The following PHLDB1 variants were observed in gnomAD, a reference collection of about 807,000 sequenced individuals.
The protein encoded by PHLDB1 is pleckstrin homology like domain family B member 1, also known as pleckstrin homology-like domain family B member 1.
PHLDB1 carries 65 observed loss-of-function variants against 139.3 expected under a neutral mutation model. The ratio of observed to expected loss-of-function variants is 0.47; its 90% CI spans 0.38 to 0.57. The LOEUF (loss-of-function observed/expected upper bound fraction) is 0.57, where lower values mean the gene tolerates loss of function less well. Among genes scored for constraint, PHLDB1 ranks in the 20% least tolerant of loss-of-function variants. PHLDB1 has a pLI of 0.00. For missense variants in PHLDB1, 1,624 were observed against 1,839.7 expected (o/e 0.88, Z 2.14); for synonymous variants, 679 against 734.5 (o/e 0.92, Z 1.22).
chr11:118,614,470 G>A (rs1227057520), intron 2 of PHLDB1, 89 bp from the exon 3 acceptor site: 12 of 1,448,284 alleles, frequency 8.3e-6, no homozygotes, highest in East Asian at 4.6e-5. Context: ...GGAGAGGGGC[G>A]AGGGCTGGAG....
chr11:118,618,717 C>T (rs192880309), intron 4 of PHLDB1, among the ~76,000 whole-genome samples: 85 of 151,910 alleles, frequency 5.6e-4, no homozygotes, highest in Non-Finnish European at 1.1e-3. Context: ...TACCTTGTTC[C>T]CCTAATCTGG....
rs543832494 is a variant in PHLDB1, at chr11:118,628,436, T to C, written c.1613T>C (p.Leu538Pro). Residue 538 changes from leucine (L) to proline (P), a missense_variant, in exon 6 of 23, where the codon CTG becomes CCG. Coordinates refer to ENST00000600882, the MANE Select transcript of PHLDB1 (RefSeq NM_001144758.3). Reference protein sequence around the residue: ...APHKGSFSGRLSPAYSLGSLT... With the variant: ...APHKGSFSGRPSPAYSLGSLT... ...CACAAGGGCAGCTTCAGTGGCAGGC[T>C]GAGCCCAGCCTACAGTCTGGGCTCT... The C allele has an allele frequency of 5.0e-6, 8 of 1,609,606 alleles. No homozygotes were observed. In the African/African-American group the frequency reaches 9.3e-5, roughly 19 times the overall value.
chr11:118,626,975 G>A, intron 5 of PHLDB1: 1 of 325,962 alleles, frequency 3.1e-6, no homozygotes, highest in Non-Finnish European at 5.6e-6. Context: ...TCTTGAGGAG[G>A]GATATAGGAT....
At position 118,608,124 on chromosome 11, in the gene PHLDB1, T is replaced by C. The variant is rs1312333679; in HGVS notation, c.-22+425T>C. On this transcript the variant is annotated intron_variant, in intron 1 of 22. Coordinates refer to ENST00000600882, the MANE Select transcript of PHLDB1 (RefSeq NM_001144758.3). The surrounding 1 kb of genome is among the most constrained non-coding windows in gnomAD (Gnocchi z 6.7). Reference sequence around the variant, plus strand: ...CCCCCTCTCCGCCCACAGCAGGACCTTGGGGCGGGGGTATCTCCTGTGACG... The same window carrying C: ...CCCCCTCTCCGCCCACAGCAGGACCCTGGGGCGGGGGTATCTCCTGTGACG... Among the ~76,000 whole-genome samples, 4 of 151,876 alleles carry C rather than the reference T, an allele frequency of 2.6e-5. No individual in the cohort carries two copies. The highest frequency in any genetic ancestry group is 9.7e-5 in the African/African-American group (4 of 41,366).
intron 4 of PHLDB1, among the ~76,000 whole-genome samples, chr11:118,622,914 T>G (rs1943107373): frequency 6.6e-6 from 1 of 152,148 alleles, no homozygotes; most frequent in Admixed American, 6.5e-5. Flanking sequence ...TTTAGAATTG[T>G]TGGTGTCTGG....
chr11:118,614,538 C>T (rs1555086939), intron 2 of PHLDB1, 21 bp from the exon 3 acceptor site: 2 of 1,612,968 alleles, frequency 1.2e-6, no homozygotes, highest in Non-Finnish European at 8.5e-7. Context: ...GATGCTTGTC[C>T]TCCACCCGTA....
At chr11:118,656,522 G>C (rs1368813346) in intron 22 of PHLDB1, among the ~76,000 whole-genome samples, 161 bp from the exon 23 acceptor site, 1 of 152,162 alleles carries the variant, frequency 6.6e-6, no homozygotes, top group Admixed American at 6.5e-5. Context: ...TTCAGCCTGG[G>C]GCTCACATGG....
At chr11:118,652,832 C>G (rs1239120328) in intron 20 of PHLDB1, 1 of 152,342 alleles carries the variant, frequency 6.6e-6, no homozygotes, top group African/African-American at 2.4e-5. Flanking sequence ...TGGGCTGGTG[C>G]TTGGCATATG....
chr11:118,643,974 C>T, intron 14 of PHLDB1, 34 bp downstream of exon 14: 1 of 1,590,780 alleles, frequency 6.3e-7, no homozygotes, highest in Non-Finnish European at 8.6e-7. Context: ...GCACATGTGG[C>T]TGGGGATGGA....
chr11:118,643,012 C>T (rs781913010), intron 13 of PHLDB1, among the ~76,000 whole-genome samples: 6 of 152,244 alleles, frequency 3.9e-5, no homozygotes, highest in Non-Finnish European at 8.8e-5. Flanking sequence ...TGACCAGCTG[C>T]AGTGCCTAAG....
At chr11:118,615,904 T>C (rs1057200161) in intron 3 of PHLDB1, 137 bp from the exon 4 acceptor site, 23 of 686,066 alleles carry the variant, frequency 3.4e-5, no homozygotes, top group Non-Finnish European at 4.8e-5. Context: ...AGGGGCCTAG[T>C]AGGGGTGGCC....
rs375248343 is a variant in PHLDB1, at chr11:118,638,930, C to T, written c.2575C>T (p.Arg859Trp). ...CCTGGACAGTCAGGCTGGGCAGATC[C>T]GGGCTCAGGCCGTGCAGGAATCAGA... ...AILDSQAGQI[R>W]AQAVQESERL... Residue 859 changes from arginine to tryptophan, a missense_variant, in exon 11 of 23, where the codon CGG becomes TGG. Transcript: ENST00000600882. 28 of 1,613,302 alleles carry T rather than the reference C, an allele frequency of 1.7e-5. No homozygotes were observed. In the South Asian group the frequency reaches 2.1e-4, roughly 12 times the overall value.
chr11:118,625,108 A>G (rs782510371), intron 5 of PHLDB1, 49 bp downstream of exon 5: 17 of 1,538,784 alleles, frequency 1.1e-5, no homozygotes, highest in Non-Finnish European at 1.4e-5. Flanking sequence ...TTCCTGCAGC[A>G]GTCCTCCTCC....
chr11:118,652,499 C>T lies in PHLDB1; in HGVS notation c.3874+1952C>T, dbSNP rs138330948. ...ACCTTTATCAAGCACTTGCATGAGC[C>T]AGGCGCTGTGCTAAGCACTCTGCAT... On this transcript the variant is annotated intron_variant, in intron 20 of 22. Transcript: ENST00000600882. 3.9e-5 allele frequency: 6 copies of T among 152,360 alleles called. No homozygotes were observed. In the East Asian group the frequency reaches 1.2e-3, roughly 29 times the overall value. The allele number at this position is 152,360 out of a possible 1,614,324, so 9.4% of individuals were successfully genotyped here.
intron 10 of PHLDB1, among the ~76,000 whole-genome samples, chr11:118,635,981 T>G (rs540246875): frequency 2.6e-5 from 4 of 152,316 alleles, no homozygotes; most frequent in African/African-American, 9.6e-5. Flanking sequence ...TCATTTCGGT[T>G]CCAGCCATGG....
At chr11:118,618,748 T>C (rs1264117129) in intron 4 of PHLDB1, among the ~76,000 whole-genome samples, 5 of 151,900 alleles carry the variant, frequency 3.3e-5, no homozygotes, top group African/African-American at 4.8e-5. Context: ...GGGACCCTCC[T>C]CTTTCAAAAA....
intron 4 of PHLDB1, 72 bp from the exon 5 acceptor site, chr11:118,624,862 C>A: frequency 6.6e-7 from 1 of 1,521,600 alleles, no homozygotes; most frequent in Admixed American, 1.7e-5. Flanking sequence ...CACCCTCCTC[C>A]GCCTCCAAAA....
At chr11:118,609,508 T>TCACACAC (rs1939760044) in intron 1 of PHLDB1, among the ~76,000 whole-genome samples, 4 of 140,730 alleles carry the variant, frequency 2.8e-5, no homozygotes, top group African/African-American at 5.1e-5. Context: ...AGCTCACACA[T>TCACACAC]GCAGCCCCCT....
intron 20 of PHLDB1, chr11:118,654,141 T>C (rs1948707342): frequency 6.6e-6 from 1 of 152,246 alleles, no homozygotes; most frequent in African/African-American, 2.4e-5. Flanking sequence ...ATTTAGTGAT[T>C]CGCGTGACCT....
Sources: allele counts gnomAD v4.1 joint callset (sites outside exome capture counted in the v4.1 genomes callset), GRCh38; gene constraint gnomAD v4.1.1; non-coding constraint Gnocchi (gnomAD v3.1); transcripts MANE v1.5; gene names NCBI Gene and HGNC (gene_info 2026-07-23, HGNC 2026-07-21).